The following XKR6 variants were observed in gnomAD, a reference collection of about 807,000 sequenced individuals.
XKR6 encodes XK-related protein 6.
A neutral mutation model predicts 56.7 loss-of-function variants in XKR6; 22 were observed. The observed-to-expected ratio is 0.39, with a 90% confidence interval of 0.28 to 0.55. The LOEUF (loss-of-function observed/expected upper bound fraction) is 0.55, where lower values mean the gene tolerates loss of function less well. XKR6 is among the 20% of genes least tolerant of loss of function. XKR6 has a pLI of 0.66. For synonymous variants in XKR6, 524 were observed against 387.8 expected (o/e 1.35, Z -4.13); for missense variants, 852 against 889.0 (o/e 0.96, Z 0.53).
At chr8:11,007,846 G>A (rs180900367) in intron 1 of XKR6, among the ~76,000 whole-genome samples, 8 of 152,138 alleles carry the variant, frequency 5.3e-5, no homozygotes, top group Middle Eastern at 3.4e-3. Context: ...TTTTCCTAGC[G>A]GTAGGAGAGG....
chr8:11,143,709 C>A (rs998640089), intron 1 of XKR6, among the ~76,000 whole-genome samples: 1 of 152,156 alleles, frequency 6.6e-6, no homozygotes, highest in Admixed American at 6.5e-5. Context: ...GGATGGGACA[C>A]ATACGGGAGT....
At chr8:11,104,509 C>T (rs1368533862) in intron 1 of XKR6, among the ~76,000 whole-genome samples, 1 of 152,264 alleles carries the variant, frequency 6.6e-6, no homozygotes. Context: ...AATCGCCACA[C>T]AGCCCGAATC....
intron 1 of XKR6, among the ~76,000 whole-genome samples, chr8:11,089,182 G>GC (rs1185775837): frequency 1.3e-5 from 2 of 152,122 alleles, no homozygotes; most frequent in African/African-American, 4.8e-5. Flanking sequence ...GCCACAAGTG[G>GC]CCCACCAGCG....
intron 1 of XKR6, among the ~76,000 whole-genome samples, chr8:10,965,460 C>T (rs1446921725): frequency 1.3e-5 from 2 of 152,242 alleles, no homozygotes; most frequent in African/African-American, 2.4e-5. Flanking sequence ...CCTAGCATGG[C>T]ACCTCGTGCG....
chr8:11,138,977 C>T (rs1421680617), intron 1 of XKR6, among the ~76,000 whole-genome samples: 3 of 151,090 alleles, frequency 2.0e-5, no homozygotes, highest in South Asian at 2.1e-4. Context: ...TTCATATTCA[C>T]TAATATATAG....
chr8:11,187,775 TCTGAAACAGAGCTTTAATTCTAGTG>T (rs1282535781), intron 1 of XKR6, among the ~76,000 whole-genome samples: 1 of 152,142 alleles, frequency 6.6e-6, no homozygotes, highest in Non-Finnish European at 1.5e-5. Flanking sequence ...AAGGCTACAC[TCTGAAACAGAGCTTTAATTCTAGTG>T]AAACTGGCCT....
At chr8:11,097,380 C>T (rs541041375) in intron 1 of XKR6, among the ~76,000 whole-genome samples, 1 of 151,804 alleles carries the variant, frequency 6.6e-6, no homozygotes, top group East Asian at 1.9e-4. Flanking sequence ...TGGGTTCCAG[C>T]ATAAACTTGA....
At chr8:11,014,052 C>A (rs1441066930) in intron 1 of XKR6, among the ~76,000 whole-genome samples, 2 of 152,236 alleles carry the variant, frequency 1.3e-5, no homozygotes, top group Admixed American at 6.5e-5. Context: ...TTGTTAGGCT[C>A]TCTAGATCCA....
At position 10,912,799 on chromosome 8, in the gene XKR6, T is replaced by C. The variant is rs962612920; in HGVS notation, c.961+11835A>G. Among the ~76,000 whole-genome samples the C allele has an allele frequency of 6.1e-5, 9 of 147,644 alleles. No homozygotes were observed. In the East Asian group the frequency reaches 1.8e-3, roughly 29 times the overall value. On this transcript the variant is annotated intron_variant, in intron 2 of 2. Transcript: ENST00000416569. ...GAGGGTGTGTATGTGTGCATATATA[T>C]AGAGAGAGAGGCGAGTATATATACA...
chr8:11,144,388 T>C (rs1384443159), intron 1 of XKR6, among the ~76,000 whole-genome samples: 1 of 148,190 alleles, frequency 6.7e-6, no homozygotes, highest in Non-Finnish European at 1.5e-5. Context: ...ATGGTCACAT[T>C]TGAGAAAGTG....
chr8:11,053,033 G>A (rs1467552791), intron 1 of XKR6, among the ~76,000 whole-genome samples: 1 of 152,190 alleles, frequency 6.6e-6, no homozygotes, highest in African/African-American at 2.4e-5. Flanking sequence ...CTAGGTGGGA[G>A]GGGCTGAAGC....
rs1797758829 is a variant in XKR6 at position 11,082,501 on chromosome 8, C to T, written c.764+118075G>A. On this transcript the variant is annotated intron_variant, in intron 1 of 2. Transcript: ENST00000416569. ...CCACAGAGTGGCCAGACCCAGCTTG[C>T]CTCTGGTGTTCTTGCGTTGTCTCTG... Among the ~76,000 whole-genome samples, 3 of 152,236 alleles carry T rather than the reference C, an allele frequency of 2.0e-5. No individual in the cohort carries two copies. In the South Asian group the frequency reaches 6.2e-4, roughly 31 times the overall value.
At chr8:10,923,770 A>T (rs565061539) in intron 2 of XKR6, among the ~76,000 whole-genome samples, 60 of 152,130 alleles carry the variant, frequency 3.9e-4, no homozygotes, top group Non-Finnish European at 7.2e-4. Context: ...AATACAAGAG[A>T]CCAGGAGGTA....
At chr8:10,902,251 T>G (rs1167742096) in intron 2 of XKR6, among the ~76,000 whole-genome samples, 2 of 152,258 alleles carry the variant, frequency 1.3e-5, no homozygotes, top group African/African-American at 4.8e-5. Context: ...CTGGGGAGTC[T>G]GCTGGCGAGC....
intron 2 of XKR6, among the ~76,000 whole-genome samples, chr8:10,909,649 G>A (rs773447993): frequency 1.3e-5 from 2 of 152,184 alleles, no homozygotes; most frequent in African/African-American, 4.8e-5. Context: ...ATTGCTAGCC[G>A]CCATGATCTC....
At chr8:10,974,912 G>C (rs982187337) in intron 1 of XKR6, among the ~76,000 whole-genome samples, 3 of 152,216 alleles carry the variant, frequency 2.0e-5, no homozygotes, top group African/African-American at 7.2e-5. Context: ...ATGACAACAT[G>C]GATGTGCTTA....
intron 1 of XKR6, among the ~76,000 whole-genome samples, chr8:11,034,434 T>G (rs1203588763): frequency 6.6e-6 from 1 of 152,102 alleles, no homozygotes; most frequent in Non-Finnish European, 1.5e-5. Flanking sequence ...AAGCTGCATG[T>G]GTCTAGAGCT....
At chr8:10,966,601 G>C (rs1258759731) in intron 1 of XKR6, among the ~76,000 whole-genome samples, 1 of 152,124 alleles carries the variant, frequency 6.6e-6, no homozygotes, top group South Asian at 2.1e-4. Flanking sequence ...GTGAACCCAG[G>C]AGGCGGAGCT....
chr8:11,075,492 C>T (rs1426387808), intron 1 of XKR6, among the ~76,000 whole-genome samples: 1 of 152,166 alleles, frequency 6.6e-6, no homozygotes, highest in Non-Finnish European at 1.5e-5. Flanking sequence ...GACCCCTACC[C>T]TAAGCACAAA....
Sources: gnomAD v4.1 joint callset for allele counts (sites outside exome capture counted in the v4.1 genomes callset) on GRCh38, gnomAD v4.1.1 for gene constraint, MANE v1.5 for transcripts, NCBI Gene and HGNC (gene_info 2026-07-23, HGNC 2026-07-21) for gene names.